Variants in PIAS1 observed in about 807,000 individuals in gnomAD.
The protein encoded by PIAS1 is E3 SUMO-protein ligase PIAS1.
A neutral mutation model predicts 71.3 loss-of-function variants in PIAS1; 6 were observed. That is an observed-to-expected ratio of 0.08 (90% CI 0.05 to 0.17). The LOEUF (loss-of-function observed/expected upper bound fraction) is 0.17. Ranked by LOEUF, PIAS1 falls within the 10% of genes least tolerant of loss-of-function variation. The pLI, the probability that PIAS1 is intolerant of heterozygous loss-of-function variation, is 1.00. For missense variants in PIAS1, 555 were observed against 793.6 expected (o/e 0.70, Z 3.61); for synonymous variants, 303 against 292.9 (o/e 1.03, Z -0.35).
At chr15:68,179,393 G>A (rs1054978971) in intron 11 of PIAS1, among the ~76,000 whole-genome samples, 4 of 151,862 alleles carry the variant, frequency 2.6e-5, no homozygotes, top group African/African-American at 4.8e-5. Context: ...ATGGTAAATG[G>A]TACTTTTTCT....
chr15:68,179,611 T>C (rs976423267), intron 11 of PIAS1, among the ~76,000 whole-genome samples: 1 of 128,316 alleles, frequency 7.8e-6, no homozygotes, highest in African/African-American at 2.8e-5. Flanking sequence ...GTTTCACTCT[T>C]ATCTCCCAGG....
intron 2 of PIAS1, among the ~76,000 whole-genome samples, chr15:68,094,110 C>T (rs1196205209): frequency 6.6e-6 from 1 of 151,218 alleles, no homozygotes. Context: ...CCATTAAACA[C>T]CAAGAATGTC....
intron 11 of PIAS1, among the ~76,000 whole-genome samples, chr15:68,179,456 A>G (rs1338097073): frequency 6.6e-6 from 1 of 152,008 alleles, no homozygotes; most frequent in Non-Finnish European, 1.5e-5. Flanking sequence ...TTTATGAGGC[A>G]GACGAGAGTG....
chr15:68,068,466 T>C (rs2092054567), intron 1 of PIAS1, among the ~76,000 whole-genome samples: 1 of 152,172 alleles, frequency 6.6e-6, no homozygotes, highest in Non-Finnish European at 1.5e-5. Flanking sequence ...AGTCTTTTTT[T>C]TTGAGACTGA....
chr15:68,061,641 C>T (rs2091960121), intron 1 of PIAS1, among the ~76,000 whole-genome samples: 1 of 152,154 alleles, frequency 6.6e-6, no homozygotes, highest in African/African-American at 2.4e-5. Flanking sequence ...AACTTAATCT[C>T]TTTTTTACCT....
chr15:68,154,392 C>T (rs1284898179), intron 7 of PIAS1, among the ~76,000 whole-genome samples: 5 of 151,974 alleles, frequency 3.3e-5, no homozygotes, highest in South Asian at 2.1e-4. Flanking sequence ...TTGTGAGAGC[C>T]GGGGGCTGCG....
chr15:68,095,712 G>A (rs940386964), intron 2 of PIAS1, among the ~76,000 whole-genome samples: 16 of 151,688 alleles, frequency 1.1e-4, no homozygotes, highest in South Asian at 1.0e-3. Context: ...TTGTATTTTC[G>A]TAGAGACAGG....
chr15:68,080,923 T>A (rs1421625061), intron 1 of PIAS1, among the ~76,000 whole-genome samples: 4 of 152,168 alleles, frequency 2.6e-5, no homozygotes, highest in Non-Finnish European at 5.9e-5. Context: ...TGAACAAGAG[T>A]AATTATGTTG....
chr15:68,119,634 C>T (rs1339396584), intron 2 of PIAS1, among the ~76,000 whole-genome samples: 3 of 152,124 alleles, frequency 2.0e-5, no homozygotes, highest in African/African-American at 7.2e-5. Flanking sequence ...TGAAAAAATA[C>T]ACATTCTGCT....
intron 2 of PIAS1, among the ~76,000 whole-genome samples, chr15:68,107,983 T>C (rs1428328795): frequency 6.6e-6 from 1 of 151,926 alleles, no homozygotes; most frequent in Non-Finnish European, 1.5e-5. Context: ...TGAGGAAGAG[T>C]TAGAATTAAT....
chr15:68,056,101 T>G (rs2091893071), intron 1 of PIAS1, among the ~76,000 whole-genome samples: 3 of 152,212 alleles, frequency 2.0e-5, no homozygotes, highest in African/African-American at 7.2e-5. Context: ...GCACACAACT[T>G]TAAGACATGT....
chr15:68,141,873 GTT>G (rs879062649), intron 2 of PIAS1, 71 bp from the exon 3 acceptor site: 288 of 656,698 alleles, frequency 4.4e-4, no homozygotes, highest in South Asian at 7.6e-4. Flanking sequence ...AGACATGTGT[GTT>G]TTTTTTTTTT....
intron 6 of PIAS1, 116 bp downstream of exon 6, chr15:68,146,816 G>A (rs2092811232): frequency 1.3e-6 from 1 of 787,728 alleles, no homozygotes; most frequent in Non-Finnish European, 2.1e-6. Flanking sequence ...ATTTATTTTT[G>A]TCTCACAATG....
At chr15:68,107,669 ATATC>A (rs556906314) in intron 2 of PIAS1, among the ~76,000 whole-genome samples, 24 of 152,328 alleles carry the variant, frequency 1.6e-4, no homozygotes, top group African/African-American at 5.8e-4. Context: ...CTATTAAACT[ATATC>A]TAAGAGCAAT....
chr15:68,146,170 G>C (rs1294547533), intron 5 of PIAS1, among the ~76,000 whole-genome samples: 1 of 152,084 alleles, frequency 6.6e-6, no homozygotes, highest in African/African-American at 2.4e-5. Context: ...CAAAATCTCA[G>C]CTGTGTTCAT....
chr15:68,118,343 TAAATA>T (rs2092583723), intron 2 of PIAS1, among the ~76,000 whole-genome samples: 3 of 150,624 alleles, frequency 2.0e-5, no homozygotes, highest in Non-Finnish European at 4.4e-5. Context: ...AAAATAATAA[TAAATA>T]AATAAAGAGT....
In PIAS1 at chr15:68,193,128, G is replaced by A. The variant is rs2093127789; in HGVS notation, c.*5293G>A. Reference sequence around the variant, plus strand: ...GTAAGTCCTGGGGAGGTGGCTTAAGGCAATGACCAGTGTGGGCCACTTGAG... The same window carrying A: ...GTAAGTCCTGGGGAGGTGGCTTAAGACAATGACCAGTGTGGGCCACTTGAG... On this transcript the variant is annotated 3_prime_UTR_variant, in exon 14 of 14. Coordinates refer to ENST00000249636, the MANE Select transcript of PIAS1 (RefSeq NM_016166.3). 1 of 152,298 alleles carries A rather than the reference G, an allele frequency of 6.6e-6. No homozygotes were observed. The highest frequency in any genetic ancestry group is 2.4e-5 in the African/African-American group (1 of 41,460). The allele number at this position is 152,298 out of a possible 1,614,324, so 9.4% of individuals were successfully genotyped here.
In PIAS1 at chr15:68,128,585, T is replaced by G. The variant is rs545161043; in HGVS notation, c.470-13361T>G. 5.0e-4 allele frequency among the ~76,000 whole-genome samples: 76 copies of G among 152,292 alleles called. 1 individual carries two copies. In the South Asian group the frequency reaches 0.016, roughly 31 times the overall value. ...TGAGAATTCTGATCTAAAAAAAAAT[T>G]TTTTTTGGAACAAATGAGAAAAAGC... On this transcript the variant is annotated intron_variant, in intron 2 of 13. Transcript: ENST00000249636.
chr15:68,146,223 CTA>C, intron 5 of PIAS1, among the ~76,000 whole-genome samples: 1 of 152,014 alleles, frequency 6.6e-6, no homozygotes. Context: ...TTGAAGAATG[CTA>C]TGTCTTAAAC....
Sources: allele counts gnomAD v4.1 joint callset (sites outside exome capture counted in the v4.1 genomes callset), GRCh38; gene constraint gnomAD v4.1.1; transcripts MANE v1.5; gene names NCBI Gene and HGNC (gene_info 2026-07-23, HGNC 2026-07-21).